SUMF1: variants seen among roughly 807,000 people sequenced by gnomAD.
SUMF1 encodes sulfatase modifying factor 1, also known as formylglycine-generating enzyme.
Under a neutral mutation model 47.6 loss-of-function variants are expected in SUMF1, and 48 were observed. That is an observed-to-expected ratio of 1.01 (90% CI 0.80 to 1.28). The LOEUF is 1.28. SUMF1 is among the 50% of genes most tolerant of loss of function. The pLI, the probability that SUMF1 is intolerant of heterozygous loss-of-function variation, is 0.00. For missense variants in SUMF1, 571 were observed against 485.4 expected (o/e 1.18, Z -1.66); for synonymous variants, 230 against 192.1 (o/e 1.20, Z -1.63).
At chr3:4,422,188 C>T (rs1701920553) in intron 3 of SUMF1, among the ~76,000 whole-genome samples, 1 of 152,140 alleles carries the variant, frequency 6.6e-6, no homozygotes, top group South Asian at 2.1e-4. Flanking sequence ...GGGCTGTTCT[C>T]ACTGACTGGG....
chr3:4,090,125 T>C lies in SUMF1; in HGVS notation c.1015-21380A>G, dbSNP rs142549479. ...TAGCAGGTGCTTCATTAATATTTGG[T>C]AAATGAATACATTAATGAATAATAT... On this transcript the variant is annotated intron_variant and NMD_transcript_variant, in intron 8 of 12. Transcript: ENST00000448413. Among the ~76,000 whole-genome samples, 197 of 152,256 alleles carry C rather than the reference T, an allele frequency of 1.3e-3. 1 individual carries two copies. Among genetic ancestry groups the C allele is most frequent in the Non-Finnish European group, 2.2e-3 (148 of 68,022 alleles).
intron 8 of SUMF1, among the ~76,000 whole-genome samples, chr3:4,374,277 AAT>A (rs1255620072): frequency 6.6e-6 from 1 of 152,226 alleles, no homozygotes; most frequent in African/African-American, 2.4e-5. Context: ...CTATGTAGAA[AAT>A]ATGATACAAT....
chr3:4,440,652 A>G (rs1702555452), intron 3 of SUMF1, among the ~76,000 whole-genome samples: 2 of 152,240 alleles, frequency 1.3e-5, no homozygotes, highest in South Asian at 4.1e-4. Flanking sequence ...CCTAGAAATT[A>G]GTTTTTACTG....
Position 4,410,527 on chromosome 3 carries a change from T to C in SUMF1, c.954+338A>G, listed in dbSNP as rs555193460. 3.9e-5 allele frequency among the ~76,000 whole-genome samples: 6 copies of C among 152,306 alleles called. No individual in the cohort carries two copies. In the East Asian group the frequency reaches 1.2e-3, roughly 29 times the overall value. ...ATACCACCTAGCAGATCTTAATAGT[T>C]CATAATAAAACAGTAATAAACTTTA... is the stretch of plus-strand genomic sequence containing the variant. On this transcript the variant is annotated intron_variant, in intron 7 of 8. Transcript: ENST00000272902.
At chr3:4,176,007 G>C (rs925950376) in intron 8 of SUMF1, among the ~76,000 whole-genome samples, 1 of 152,116 alleles carries the variant, frequency 6.6e-6, no homozygotes, top group Non-Finnish European at 1.5e-5. Flanking sequence ...AAAAAGAAAT[G>C]AACAAAGCCT....
At chr3:4,340,968 A>G (rs970838618) in intron 8 of SUMF1, among the ~76,000 whole-genome samples, 6 of 152,076 alleles carry the variant, frequency 3.9e-5, no homozygotes, top group Admixed American at 6.5e-5. Flanking sequence ...TCTTCTACAC[A>G]AACATTGACT....
chr3:4,110,742 G>A (rs935668434), intron 8 of SUMF1, among the ~76,000 whole-genome samples: 4 of 149,768 alleles, frequency 2.7e-5, no homozygotes, highest in Non-Finnish European at 4.4e-5. Flanking sequence ...CTATCGCAAG[G>A]ACAAAAAACC....
intron 8 of SUMF1, among the ~76,000 whole-genome samples, chr3:4,132,795 G>T (rs971919644): frequency 2.0e-5 from 3 of 152,112 alleles, no homozygotes; most frequent in Non-Finnish European, 1.5e-5. Context: ...CTATCAAGAA[G>T]AAATCAGTCT....
At chr3:4,363,930 T>A (rs1699859228) in intron 8 of SUMF1, among the ~76,000 whole-genome samples, 1 of 145,856 alleles carries the variant, frequency 6.9e-6, no homozygotes, top group Non-Finnish European at 1.5e-5. Context: ...GTTTTTAGCA[T>A]GAAGGGTTGT....
chr3:4,307,285 CA>C (rs1355215526), intron 8 of SUMF1, among the ~76,000 whole-genome samples: 1 of 152,188 alleles, frequency 6.6e-6, no homozygotes, highest in Non-Finnish European at 1.5e-5. Context: ...TGCAATCTGG[CA>C]ATCGAAAAAT....
intron 8 of SUMF1, among the ~76,000 whole-genome samples, chr3:4,318,930 A>G (rs894493004): frequency 1.3e-5 from 2 of 152,182 alleles, no homozygotes; most frequent in African/African-American, 4.8e-5. Flanking sequence ...AAAGCCGTAA[A>G]AATAATAAGA....
At chr3:4,098,788 A>G (rs1692964315) in intron 8 of SUMF1, among the ~76,000 whole-genome samples, 1 of 152,200 alleles carries the variant, frequency 6.6e-6, no homozygotes, top group Non-Finnish European at 1.5e-5. Flanking sequence ...AAAGGAAAAA[A>G]AGTTAAAGAT....
At chr3:4,043,715 G>T (rs988469194) in intron 9 of SUMF1, among the ~76,000 whole-genome samples, 1 of 152,156 alleles carries the variant, frequency 6.6e-6, no homozygotes, top group African/African-American at 2.4e-5. Context: ...TCTGTCTGCT[G>T]TATAATTTGG....
chr3:4,424,214 T>TA (rs935921913), intron 3 of SUMF1, among the ~76,000 whole-genome samples: 2 of 152,182 alleles, frequency 1.3e-5, no homozygotes, highest in Non-Finnish European at 2.9e-5. Flanking sequence ...ATAGTTTTTT[T>TA]ATCTCCTTCC....
intron 8 of SUMF1, among the ~76,000 whole-genome samples, chr3:4,342,231 CGTTGTT>C (rs1279569989): frequency 2.0e-5 from 3 of 152,054 alleles, no homozygotes; most frequent in African/African-American, 7.3e-5. Flanking sequence ...CTGTTATCAT[CGTTGTT>C]GTTTTTAAAA....
chr3:4,270,697 A>G (rs1328179769), intron 8 of SUMF1, among the ~76,000 whole-genome samples: 3 of 152,170 alleles, frequency 2.0e-5, no homozygotes, highest in Non-Finnish European at 4.4e-5. Context: ...GTGCTCCCTA[A>G]GTATAACTGG....
chr3:4,226,836 A>T lies in SUMF1; in HGVS notation c.1014+149494T>A, dbSNP rs189827431. Among the ~76,000 whole-genome samples the T allele has an allele frequency of 2.3e-3, 348 of 151,646 alleles. 4 individuals are homozygous for T. The highest frequency in any genetic ancestry group is 4.0e-3 in the Non-Finnish European group (269 of 67,894). ...ACCCAAGGAACTGCCTCCTGCCAGT[A>T]ACTTTTATATGCTATGACTATGTAA... On this transcript the variant is annotated intron_variant and NMD_transcript_variant, in intron 8 of 12. Coordinates refer to the SUMF1 transcript ENST00000448413.
chr3:4,059,200 G>A (rs1295986025), intron 9 of SUMF1, among the ~76,000 whole-genome samples: 1 of 152,058 alleles, frequency 6.6e-6, no homozygotes, highest in Non-Finnish European at 1.5e-5. Flanking sequence ...TTCAGCATAA[G>A]GCTCATAGAT....
intron 8 of SUMF1, among the ~76,000 whole-genome samples, chr3:4,164,923 T>C (rs1444418412): frequency 1.3e-5 from 2 of 152,152 alleles, no homozygotes; most frequent in East Asian, 1.9e-4. Context: ...ATTTTCTTCC[T>C]TTCCCTAAGT....
Sources: allele counts gnomAD v4.1 joint callset (sites outside exome capture counted in the v4.1 genomes callset), GRCh38; gene constraint gnomAD v4.1.1; transcripts MANE v1.5; gene names NCBI Gene and HGNC (gene_info 2026-07-23, HGNC 2026-07-21).